Variants in MRPS28 observed in about 807,000 individuals in gnomAD.
The protein encoded by MRPS28 is small ribosomal subunit protein bS1m.
In MRPS28, 7 loss-of-function variants were observed where a neutral mutation model predicts 10.8. The observed-to-expected ratio is 0.65, with a 90% CI of 0.37 to 1.22. The LOEUF is 1.22. MRPS28 is among the 50% of genes most tolerant of loss of function. The pLI, the probability that MRPS28 is intolerant of heterozygous loss-of-function variation, is 0.02. For synonymous variants in MRPS28, 121 were observed against 93.3 expected, an observed-to-expected ratio of 1.30 and a Z score of -1.71; for missense variants, 265 against 232.9, an observed-to-expected ratio of 1.14 and a Z score of -0.90.
intron 2 of MRPS28, among the ~76,000 whole-genome samples, chr8:79,995,300 T>C (rs898451075): frequency 5.9e-5 from 9 of 152,206 alleles, no homozygotes; most frequent in East Asian, 1.9e-4. Context: ...TTTCTTGAGA[T>C]TGATAAAATG....
At chr8:79,945,738 TAATG>T (rs1239022900) in intron 2 of MRPS28, among the ~76,000 whole-genome samples, 1 of 152,208 alleles carries the variant, frequency 6.6e-6, no homozygotes, top group Admixed American at 6.5e-5. Context: ...ACTGTTAACA[TAATG>T]AATTACTTCA....
At chr8:79,968,204 T>A (rs1456224106) in intron 2 of MRPS28, among the ~76,000 whole-genome samples, 1 of 152,146 alleles carries the variant, frequency 6.6e-6, no homozygotes, top group Non-Finnish European at 1.5e-5. Context: ...TGCCTCCAAA[T>A]CTCCAATATA....
intron 2 of MRPS28, among the ~76,000 whole-genome samples, chr8:79,982,783 C>T (rs1808005455): frequency 6.6e-6 from 1 of 152,200 alleles, no homozygotes; most frequent in South Asian, 2.1e-4. Flanking sequence ...GGGTGGAGCC[C>T]AACACAGCTC....
At chr8:80,023,346 A>C (rs1809418053) in intron 1 of MRPS28, among the ~76,000 whole-genome samples, 1 of 152,198 alleles carries the variant, frequency 6.6e-6, no homozygotes, top group Non-Finnish European at 1.5e-5. Flanking sequence ...CTATTACAGT[A>C]TATGAATTTA....
chr8:79,967,233 A>G (rs1485161589), intron 2 of MRPS28, among the ~76,000 whole-genome samples: 1 of 151,900 alleles, frequency 6.6e-6, no homozygotes, highest in East Asian at 1.9e-4. Flanking sequence ...TCACTCACTC[A>G]CTCACTCTCC....
intron 2 of MRPS28, among the ~76,000 whole-genome samples, chr8:79,928,532 C>T (rs1215230409): frequency 2.0e-5 from 3 of 151,980 alleles, no homozygotes; most frequent in East Asian, 2.0e-4. Context: ...CTCCACCTCC[C>T]GGGTTCAAGA....
At chr8:79,940,165 G>A (rs1806729912) in intron 2 of MRPS28, among the ~76,000 whole-genome samples, 1 of 151,938 alleles carries the variant, frequency 6.6e-6, no homozygotes, top group Non-Finnish European at 1.5e-5. Context: ...TGCATATTGA[G>A]CAAAAATCTC....
At chr8:79,968,489 A>T (rs770426445) in intron 2 of MRPS28, among the ~76,000 whole-genome samples, 5 of 152,146 alleles carry the variant, frequency 3.3e-5, no homozygotes, top group African/African-American at 4.8e-5. Flanking sequence ...TGTGTTACAG[A>T]GCCACTGTTC....
chr8:79,988,204 T>C lies in MRPS28; in HGVS notation c.395+14795A>G, dbSNP rs1399398965. On this transcript the variant is annotated intron_variant, in intron 2 of 2. Transcript: ENST00000276585. Reference sequence around the variant, plus strand: ...ACCAAACACCGCATATTCTCACTCATAGGTGGGAATTGAACAATGAGAACA... The same window carrying C: ...ACCAAACACCGCATATTCTCACTCACAGGTGGGAATTGAACAATGAGAACA... Among the ~76,000 whole-genome samples, 40 of 139,204 alleles carry C rather than the reference T, an allele frequency of 2.9e-4. No individual in the cohort carries two copies. In the South Asian group the frequency reaches 8.6e-3, roughly 30 times the overall value. The allele number at this position is 139,204 out of a possible 152,430, so 91.3% of individuals were successfully genotyped here. A position where few individuals can be genotyped will look rare whatever the true frequency, so the allele number is the denominator to read the frequency against.
intron 1 of MRPS28, among the ~76,000 whole-genome samples, chr8:80,006,670 GAAGA>G (rs1586092153): frequency 2.6e-5 from 4 of 152,326 alleles, no homozygotes; most frequent in East Asian, 1.9e-4. Flanking sequence ...AGAAAATCTA[GAAGA>G]AATGGATAAA....
chr8:79,991,072 G>C (rs1563536136), intron 2 of MRPS28, among the ~76,000 whole-genome samples: 1 of 151,898 alleles, frequency 6.6e-6, no homozygotes, highest in Non-Finnish European at 1.5e-5. Context: ...CCTAATGGTA[G>C]AGACAGAGGA....
intron 2 of MRPS28, among the ~76,000 whole-genome samples, chr8:79,950,251 T>C (rs1281481109): frequency 6.6e-6 from 1 of 152,168 alleles, no homozygotes; most frequent in Non-Finnish European, 1.5e-5. Context: ...GTGGTAATCT[T>C]TAAGAAGTTT....
chr8:79,975,922 T>G (rs1013218475), intron 2 of MRPS28, among the ~76,000 whole-genome samples: 1 of 152,180 alleles, frequency 6.6e-6, no homozygotes, highest in Non-Finnish European at 1.5e-5. Context: ...AACAGGGAAT[T>G]AGTTAAAGAA....
At chr8:80,019,638 T>A (rs1431209700) in intron 1 of MRPS28, among the ~76,000 whole-genome samples, 2 of 151,178 alleles carry the variant, frequency 1.3e-5, no homozygotes, top group Non-Finnish European at 3.0e-5. Context: ...GCTAATGCAA[T>A]AAGACAAAAA....
At chr8:79,999,022 A>T (rs973554756) in intron 2 of MRPS28, among the ~76,000 whole-genome samples, 2 of 152,216 alleles carry the variant, frequency 1.3e-5, no homozygotes, top group African/African-American at 4.8e-5. Context: ...ACTACACAAA[A>T]GTCTGTATGA....
chr8:80,014,247 C>T (rs1809136898), intron 1 of MRPS28, among the ~76,000 whole-genome samples: 1 of 152,138 alleles, frequency 6.6e-6, no homozygotes, highest in African/African-American at 2.4e-5. Context: ...CAAAATTCCT[C>T]AAGTGCATAA....
At chr8:79,941,499 T>C (rs780451112) in intron 2 of MRPS28, among the ~76,000 whole-genome samples, 6 of 152,196 alleles carry the variant, frequency 3.9e-5, no homozygotes, top group Non-Finnish European at 8.8e-5. Context: ...ATAAGAAAGA[T>C]ATCTGCAGAA....
rs577580211 is a variant in MRPS28, at chr8:80,008,781, A to G, written c.214-5601T>C. Reference sequence around the variant, plus strand: ...ATTAAAAAGTCAGGAAACAACAGGTACTGGAGAGGATGTGGAGAAATAGGA... The same window carrying G: ...ATTAAAAAGTCAGGAAACAACAGGTGCTGGAGAGGATGTGGAGAAATAGGA... On this transcript the variant is annotated intron_variant, in intron 1 of 2. Transcript: ENST00000276585. 8.3e-3 allele frequency among the ~76,000 whole-genome samples: 1,271 copies of G among 152,298 alleles called. 14 individuals are homozygous for G. Among genetic ancestry groups the G allele is most frequent in the African/African-American group, 0.026 (1,076 of 41,552 alleles).
chr8:79,961,645 G>A lies in MRPS28; in HGVS notation c.395+41354C>T, dbSNP rs185230410. Among the ~76,000 whole-genome samples the A allele has an allele frequency of 1.2e-3, 188 of 152,168 alleles. 1 individual carries two copies. The highest frequency in any genetic ancestry group is 4.7e-3 in the Admixed American group (71 of 15,258). On this transcript the variant is annotated intron_variant, in intron 2 of 2. Transcript: ENST00000276585. ...CACACCTATGCACCACCACAATATG[G>A]CCAAAACAAAAGAGTGGCTTAATTA...
Sources: gnomAD v4.1 joint callset for allele counts (sites outside exome capture counted in the v4.1 genomes callset) on GRCh38, gnomAD v4.1.1 for gene constraint, MANE v1.5 for transcripts, NCBI Gene and HGNC (gene_info 2026-07-23, HGNC 2026-07-21) for gene names.